Variants in CNTNAP2 observed in about 807,000 individuals in gnomAD.
CNTNAP2 encodes the protein contactin associated protein 2, also known as contactin-associated protein-like 2.
CNTNAP2 carries 98 observed loss-of-function variants against 155.2 expected under a neutral mutation model. The observed-to-expected ratio is 0.63, with a 90% CI of 0.54 to 0.75. The LOEUF is 0.75. Among genes scored for constraint, CNTNAP2 ranks in the 30% least tolerant of loss-of-function variants. CNTNAP2 has a pLI of 0.00. For missense variants in CNTNAP2, 1,727 were observed against 1,688.1 expected, an observed-to-expected ratio of 1.02 and a Z score of -0.40; for synonymous variants, 651 against 631.2, an observed-to-expected ratio of 1.03 and a Z score of -0.47.
chr7:146,986,057 G>A (rs1798109976), intron 3 of CNTNAP2, among the ~76,000 whole-genome samples: 1 of 151,866 alleles, frequency 6.6e-6, no homozygotes, highest in Non-Finnish European at 1.5e-5. Context: ...GGTTACATGA[G>A]TAACTTCTTT....
At chr7:146,993,258 C>G (rs930441247) in intron 3 of CNTNAP2, among the ~76,000 whole-genome samples, 1 of 152,230 alleles carries the variant, frequency 6.6e-6, no homozygotes, top group East Asian at 1.9e-4. Flanking sequence ...CTGATTCTTG[C>G]CTTGGGGTGG....
intron 3 of CNTNAP2, among the ~76,000 whole-genome samples, chr7:146,893,128 T>C (rs1283130367): frequency 1.3e-5 from 2 of 152,298 alleles, no homozygotes; most frequent in East Asian, 3.9e-4. Context: ...TGCATTGTTA[T>C]CTATTTCTGT....
At chr7:146,386,120 T>A (rs1357939614) in intron 1 of CNTNAP2, among the ~76,000 whole-genome samples, 1 of 152,138 alleles carries the variant, frequency 6.6e-6, no homozygotes, top group Non-Finnish European at 1.5e-5. Flanking sequence ...TTTCTTCTGG[T>A]GTTTACTCTT....
intron 1 of CNTNAP2, among the ~76,000 whole-genome samples, chr7:146,510,789 T>C (rs568665789): frequency 5.9e-5 from 9 of 152,252 alleles, no homozygotes; most frequent in African/African-American, 2.2e-4. Flanking sequence ...GATTGTTTGC[T>C]GTTGGTGTAC....
Position 147,275,107 on chromosome 7 carries a change from C to T in CNTNAP2, c.1349-25034C>T, listed in dbSNP as rs572657746. Among the ~76,000 whole-genome samples the T allele has an allele frequency of 5.3e-5, 8 of 152,084 alleles. No homozygotes were observed. The East Asian group carries it at 5.8e-4, about 11-fold the overall frequency. On this transcript the variant is annotated intron_variant, in intron 8 of 23. Coordinates refer to ENST00000361727, the MANE Select transcript of CNTNAP2 (RefSeq NM_014141.6). ...TCAGATAATGTGATGCTCCTTGCTTCGTTCCTTGTGCTTAGGATTACTTTG... is the reference window on the plus strand; with the variant it reads ...TCAGATAATGTGATGCTCCTTGCTTTGTTCCTTGTGCTTAGGATTACTTTG...
intron 14 of CNTNAP2, among the ~76,000 whole-genome samples, chr7:147,915,453 A>ATATGATATTATGAGGAG (rs1800141630): frequency 6.6e-6 from 1 of 152,216 alleles, no homozygotes; most frequent in Non-Finnish European, 1.5e-5. Context: ...TATTATAGGA[A>ATATGATATTATGAGGAG]TATGATATTA....
At chr7:146,590,389 AC>A in intron 1 of CNTNAP2, among the ~76,000 whole-genome samples, 2 of 152,280 alleles carry the variant, frequency 1.3e-5, no homozygotes, top group Middle Eastern at 3.4e-3. Context: ...CCCGAAGTAG[AC>A]TGCAAGTTTT....
chr7:148,102,537 G>A (rs1347327930), intron 15 of CNTNAP2, among the ~76,000 whole-genome samples: 1 of 152,148 alleles, frequency 6.6e-6, no homozygotes, highest in East Asian at 1.9e-4. Context: ...TTTACAACTT[G>A]AAATATTGAA....
rs150088311 is a variant in CNTNAP2 at position 146,803,335 on chromosome 7, G to A, written c.208+28954G>A. Among the ~76,000 whole-genome samples, 17 of 152,334 alleles carry A rather than the reference G, an allele frequency of 1.1e-4. No individual in the cohort carries two copies. In the East Asian group the frequency reaches 3.1e-3, roughly 28 times the overall value. On this transcript the variant is annotated intron_variant, in intron 2 of 23. Coordinates refer to ENST00000361727, the MANE Select transcript of CNTNAP2 (RefSeq NM_014141.6). The stretch of plus-strand genomic sequence containing the variant: ...TTGCAGTAAAATGAGAAGATGGAAT[G>A]TGAATAAGATAAAAATGCAAATTAT...
intron 1 of CNTNAP2, among the ~76,000 whole-genome samples, chr7:146,231,144 T>C (rs772419223): frequency 3.9e-4 from 60 of 152,318 alleles, no homozygotes; most frequent in Non-Finnish European, 7.4e-4. Context: ...GCTCTATGAT[T>C]GCAGGAAATA....
intron 3 of CNTNAP2, among the ~76,000 whole-genome samples, chr7:146,935,514 A>G (rs1190181576): frequency 1.3e-5 from 2 of 152,218 alleles, no homozygotes; most frequent in African/African-American, 4.8e-5. Flanking sequence ...TCACTCTTCT[A>G]GAAGGGCATC....
intron 1 of CNTNAP2, among the ~76,000 whole-genome samples, chr7:146,626,892 C>A (rs1585013427): frequency 1.3e-5 from 2 of 152,014 alleles, no homozygotes; most frequent in African/African-American, 4.8e-5. Flanking sequence ...ATTCTGAAGG[C>A]CTAACTTCAT....
chr7:147,044,329 T>G (rs1406250892), intron 4 of CNTNAP2, among the ~76,000 whole-genome samples: 1 of 152,140 alleles, frequency 6.6e-6, no homozygotes, highest in Non-Finnish European at 1.5e-5. Flanking sequence ...AGGTTTTTTT[T>G]GTTCAATAGA....
intron 3 of CNTNAP2, among the ~76,000 whole-genome samples, chr7:146,996,291 T>G (rs1798307038): frequency 6.6e-6 from 1 of 152,100 alleles, no homozygotes; most frequent in African/African-American, 2.4e-5. Flanking sequence ...CGAATTGCAT[T>G]GTAGATGACT....
At chr7:147,321,545 T>C (rs1216237966) in intron 9 of CNTNAP2, among the ~76,000 whole-genome samples, 1 of 152,212 alleles carries the variant, frequency 6.6e-6, no homozygotes, top group East Asian at 1.9e-4. Context: ...GTAGCTTTAC[T>C]CTCATCTCAG....
chr7:146,683,044 T>C (rs556582647), intron 1 of CNTNAP2, among the ~76,000 whole-genome samples: 1 of 147,460 alleles, frequency 6.8e-6, no homozygotes, highest in South Asian at 2.1e-4. Flanking sequence ...AGTCTTTTTC[T>C]TTTTTTTGAG....
At chr7:146,698,388 T>C (rs1246882766) in intron 1 of CNTNAP2, among the ~76,000 whole-genome samples, 1 of 152,150 alleles carries the variant, frequency 6.6e-6, no homozygotes, top group Non-Finnish European at 1.5e-5. Context: ...AGAAAGTCAT[T>C]ATTTCCCTTC....
chr7:146,586,154 A>C (rs1356372976), intron 1 of CNTNAP2, among the ~76,000 whole-genome samples: 1 of 152,176 alleles, frequency 6.6e-6, no homozygotes, highest in Non-Finnish European at 1.5e-5. Flanking sequence ...ATATTTTAAA[A>C]TGTATCTGGG....
chr7:147,167,006 A>G (rs1802126537), intron 8 of CNTNAP2, among the ~76,000 whole-genome samples: 1 of 152,068 alleles, frequency 6.6e-6, no homozygotes, highest in Admixed American at 6.6e-5. Context: ...ATCTAGAATT[A>G]CCCCATCACT....
Sources: allele counts gnomAD v4.1 joint callset (sites outside exome capture counted in the v4.1 genomes callset), GRCh38; gene constraint gnomAD v4.1.1; transcripts MANE v1.5; gene names NCBI Gene and HGNC (gene_info 2026-07-23, HGNC 2026-07-21).